Variants in CACNA2D3 observed in about 807,000 individuals in gnomAD.
The protein encoded by CACNA2D3 is calcium voltage-gated channel auxiliary subunit alpha2delta 3.
A neutral mutation model predicts 160.6 loss-of-function variants in CACNA2D3; 60 were observed. The ratio of observed to expected loss-of-function variants is 0.37; its 90% CI spans 0.30 to 0.46. CACNA2D3 has a LOEUF of 0.46. Among genes scored for constraint, CACNA2D3 ranks in the 20% least tolerant of loss-of-function variants. The pLI is 1.00. For missense variants in CACNA2D3, 1,205 were observed against 1,365.0 expected, an observed-to-expected ratio of 0.88 and a Z score of 1.85; for synonymous variants, 558 against 492.9, an observed-to-expected ratio of 1.13 and a Z score of -1.75.
chr3:54,367,358 C>A (rs566324277), intron 3 of CACNA2D3, among the ~76,000 whole-genome samples: 1 of 152,298 alleles, frequency 6.6e-6, no homozygotes, highest in East Asian at 1.9e-4. Context: ...GTATAGGGAT[C>A]CTCTGGCCAT....
At chr3:54,681,623 A>G (rs1277939625) in intron 11 of CACNA2D3, among the ~76,000 whole-genome samples, 1 of 151,974 alleles carries the variant, frequency 6.6e-6, no homozygotes, top group Non-Finnish European at 1.5e-5. Context: ...ATAGGGGAAG[A>G]TAGAAGGTTG....
intron 12 of CACNA2D3, among the ~76,000 whole-genome samples, chr3:54,756,121 A>G (rs1358278174): frequency 6.6e-6 from 1 of 152,204 alleles, no homozygotes; most frequent in Non-Finnish European, 1.5e-5. Context: ...CAGTGCAGAA[A>G]ATCCAGGGAG....
chr3:54,682,484 G>A (rs540905414), intron 11 of CACNA2D3, among the ~76,000 whole-genome samples: 108 of 152,194 alleles, frequency 7.1e-4, no homozygotes, highest in Non-Finnish European at 1.4e-3. Flanking sequence ...AAATTAGCCA[G>A]GTATGGTGGT....
chr3:54,736,042 T>G (rs1363080259), intron 11 of CACNA2D3, among the ~76,000 whole-genome samples: 1 of 47,858 alleles, frequency 2.1e-5, no homozygotes, highest in Non-Finnish European at 4.8e-5. Flanking sequence ...TATGTATATA[T>G]ATACACATAC....
At position 54,431,589 on chromosome 3, in the gene CACNA2D3, A is replaced by T. The variant is rs1699991365; in HGVS notation, c.381+44815A>T. ...GTCAACTGTATATATGTATATTTTT[A>T]AAATTTTATGGTTATGAAAATATGG... On this transcript the variant is annotated intron_variant, in intron 4 of 37. Transcript: ENST00000474759. Among the ~76,000 whole-genome samples the T allele has an allele frequency of 2.0e-5, 3 of 152,262 alleles. No individual in the cohort carries two copies. In the South Asian group the frequency reaches 6.2e-4, roughly 32 times the overall value.
At chr3:54,586,603 C>G (rs1702766977) in intron 9 of CACNA2D3, among the ~76,000 whole-genome samples, 1 of 152,074 alleles carries the variant, frequency 6.6e-6, no homozygotes, top group African/African-American at 2.4e-5. Context: ...CCACAGTCAC[C>G]AGTTGATAGG....
intron 11 of CACNA2D3, among the ~76,000 whole-genome samples, chr3:54,746,388 G>A (rs1701753883): frequency 6.6e-6 from 1 of 152,164 alleles, no homozygotes; most frequent in African/African-American, 2.4e-5. Context: ...ACATAAAGAT[G>A]TCAGGAGACC....
intron 4 of CACNA2D3, among the ~76,000 whole-genome samples, chr3:54,444,575 G>A (rs1036944226): frequency 6.6e-6 from 1 of 152,102 alleles, no homozygotes; most frequent in Non-Finnish European, 1.5e-5. Context: ...CCCATGGATG[G>A]CTACCTCCTG....
At chr3:54,193,439 A>G (rs564424382) in intron 2 of CACNA2D3, among the ~76,000 whole-genome samples, 45 of 152,112 alleles carry the variant, frequency 3.0e-4, no homozygotes, top group African/African-American at 9.9e-4. Context: ...TGTCTCTGAC[A>G]GTGGCATTGG....
chr3:54,224,864 G>T, intron 2 of CACNA2D3, among the ~76,000 whole-genome samples: 1 of 149,638 alleles, frequency 6.7e-6, no homozygotes, highest in Admixed American at 6.6e-5. Context: ...AATTTCTATG[G>T]TGGTACTAAT....
Position 54,879,003 on chromosome 3 carries a change from C to T in CACNA2D3, c.1711-15C>T, listed in dbSNP as rs1340652562. The T allele has an allele frequency of 6.4e-7, 1 of 1,566,218 alleles. No homozygotes were observed. Reference sequence around the variant, plus strand: ...CCCAGGGAAGAACTAACACACTTTTCTTTTATCATTTTAGTTGAGAAATGC... The same window carrying T: ...CCCAGGGAAGAACTAACACACTTTTTTTTTATCATTTTAGTTGAGAAATGC... On this transcript the variant is annotated splice_polypyrimidine_tract_variant and intron_variant, in intron 18 of 37. Transcript: ENST00000474759.
At chr3:54,771,878 A>G (rs1480132789) in intron 13 of CACNA2D3, among the ~76,000 whole-genome samples, 1 of 152,132 alleles carries the variant, frequency 6.6e-6, no homozygotes, top group Non-Finnish European at 1.5e-5. Flanking sequence ...GTCTCTGTCC[A>G]TGTGCTCTGG....
intron 35 of CACNA2D3, among the ~76,000 whole-genome samples, chr3:55,066,406 C>T (rs1462542032): frequency 2.0e-5 from 3 of 152,158 alleles, no homozygotes; most frequent in African/African-American, 7.2e-5. Context: ...TTTCAAGCTA[C>T]AGTTTTGTAC....
At chr3:54,822,794 T>C (rs61001168) in intron 14 of CACNA2D3, among the ~76,000 whole-genome samples, 2,886 of 61,502 alleles carry the variant, frequency 0.047, 58 homozygotes, top group African/African-American at 0.071. Context: ...TTCTTTCCTT[T>C]CTTTCTTTCT....
intron 29 of CACNA2D3, 28 bp downstream of exon 29, chr3:54,969,872 A>G (rs1408929104): frequency 6.2e-7 from 1 of 1,604,642 alleles, no homozygotes; most frequent in Admixed American, 1.7e-5. Flanking sequence ...TCCTGTTTCT[A>G]CCCCTGTGGA....
chr3:54,613,008 A>G (rs1395779978), intron 9 of CACNA2D3, among the ~76,000 whole-genome samples: 4 of 152,174 alleles, frequency 2.6e-5, no homozygotes, highest in African/African-American at 7.2e-5. Context: ...ACTAGACATG[A>G]CAAGCATCCT....
chr3:55,056,604 C>T (rs1704367484), intron 35 of CACNA2D3, among the ~76,000 whole-genome samples: 1 of 152,112 alleles, frequency 6.6e-6, no homozygotes, highest in African/African-American at 2.4e-5. Flanking sequence ...TATAAGCGCA[C>T]AATGGAATAC....
chr3:54,225,097 T>TC (rs1268403123), intron 2 of CACNA2D3, among the ~76,000 whole-genome samples: 1 of 151,838 alleles, frequency 6.6e-6, no homozygotes, highest in Non-Finnish European at 1.5e-5. Flanking sequence ...ATGCTATCCC[T>TC]CCCCACTCCA....
At chr3:54,464,109 G>T (rs968342139) in intron 4 of CACNA2D3, among the ~76,000 whole-genome samples, 8 of 152,178 alleles carry the variant, frequency 5.3e-5, no homozygotes, top group Non-Finnish European at 8.8e-5. Flanking sequence ...CACGAATGCT[G>T]CTGTCTGATC....
Sources: allele counts gnomAD v4.1 joint callset (sites outside exome capture counted in the v4.1 genomes callset), GRCh38; gene constraint gnomAD v4.1.1; transcripts MANE v1.5; gene names NCBI Gene and HGNC (gene_info 2026-07-23, HGNC 2026-07-21).